The following TBX3 variants were observed in gnomAD, a reference collection of about 807,000 sequenced individuals.
TBX3 encodes T-box transcription factor 3, also known as T-box transcription factor TBX3.
A neutral mutation model predicts 47.8 loss-of-function variants in TBX3; 11 were observed. The observed-to-expected ratio is 0.23, with a 90% CI of 0.14 to 0.38. The LOEUF is 0.38. Ranked by LOEUF, TBX3 falls within the 10% of genes least tolerant of loss-of-function variation. TBX3 has a pLI of 1.00. For missense variants in TBX3, 927 were observed against 1,022.8 expected (o/e 0.91, Z 1.28); for synonymous variants, 500 against 449.3 (o/e 1.11, Z -1.43).
At chr12:114,673,033 G>T (rs1191881621) in intron 6 of TBX3, among the ~76,000 whole-genome samples, 1 of 152,254 alleles carries the variant, frequency 6.6e-6, no homozygotes, top group African/African-American at 2.4e-5. Flanking sequence ...GGAATTGGCA[G>T]AAGCAGCATT....
Position 114,671,857 on chromosome 12 carries a change from C to T in TBX3, c.2156G>A (p.Arg719His), listed in dbSNP as rs748697172. 9.0e-6 allele frequency: 14 copies of T among 1,557,702 alleles called. No homozygotes were observed. Among genetic ancestry groups the T allele is most frequent in the South Asian group, 4.7e-5 (4 of 84,620 alleles). Reference protein sequence around the residue: ...SGLEAKPDRSRSASP With the variant: ...SGLEAKPDRSHSASP ...GGGACGGGTCTACGGGGACGCGCTG[C>T]GGGACCTGTCCGGCTTGGCTTCCAA... Residue 719 changes from arginine (R) to histidine (H), a missense_variant, in exon 7 of 7, where the codon CGC becomes CAC. By Grantham distance (29) the Arg-to-His change is conservative (BLOSUM62 0). Coordinates refer to ENST00000349155, the MANE Select transcript of TBX3 (RefSeq NM_005996.4).
chr12:114,671,532 C>A lies in TBX3; in HGVS notation c.*309G>T. On this transcript the variant is annotated 3_prime_UTR_variant, in exon 7 of 7. Transcript: ENST00000349155. ...TTTGAACACCTCCCCGCCTGGTGGGCAGAGACCCAGACCAGCCTTGCTGGA... is the reference window on the plus strand; with the variant it reads ...TTTGAACACCTCCCCGCCTGGTGGGAAGAGACCCAGACCAGCCTTGCTGGA... 1 of 497,412 alleles carries A rather than the reference C, an allele frequency of 2.0e-6. No individual in the cohort carries two copies. Among genetic ancestry groups the A allele is most frequent in the East Asian group, 3.5e-5 (1 of 28,874 alleles). 30.8% of individuals were successfully genotyped at this position (497,412 alleles called of 1,614,324 possible).
chr12:114,682,705 T>C, intron 1 of TBX3, 107 bp downstream of exon 1: 1 of 1,564,648 alleles, frequency 6.4e-7, no homozygotes. Context: ...GGAACTAACT[T>C]TTCGTCCAAG....
At position 114,674,208 on chromosome 12, in the gene TBX3, G is replaced by A. The variant is rs1399626159; in HGVS notation, c.1667C>T (p.Ala556Val). 4.4e-6 allele frequency: 7 copies of A among 1,580,268 alleles called. No homozygotes were observed. The highest frequency in any genetic ancestry group is 2.3e-5 in the East Asian group (1 of 43,894). The change falls in exon 6 of 7, where the codon GCC (alanine) becomes GTC (valine). Residue 556 changes from alanine (A) to valine (V), a missense_variant. Ala to Val is a moderately conservative substitution (Grantham distance 64). Around this residue, in one of 5 missense-constraint regions of TBX3, gnomAD observed 623 missense variants for 569.0 expected, o/e 1.09. Coordinates refer to ENST00000349155, the MANE Select transcript of TBX3 (RefSeq NM_005996.4). ...CTGCTGGAGGTGGAAGGGCAGGGTG[G>A]CCGCGGACGCCCCGGACAGTCCCTG... ...AAQGLSGASA[A>V]TLPFHLQQHV...
chr12:114,681,672 T>A (rs544034637), intron 1 of TBX3, among the ~76,000 whole-genome samples: 1 of 152,334 alleles, frequency 6.6e-6, no homozygotes, highest in South Asian at 2.1e-4. Flanking sequence ...GAAGTGAAAC[T>A]GGACTTCAGT....
intron 1 of TBX3, among the ~76,000 whole-genome samples, chr12:114,681,695 C>G (rs1278482345): frequency 6.6e-6 from 1 of 152,204 alleles, no homozygotes; most frequent in South Asian, 2.1e-4. Flanking sequence ...GTTCCCAGAA[C>G]GAATTTTGCA....
intron 3 of TBX3, among the ~76,000 whole-genome samples, chr12:114,678,764 A>G (rs1164915992): frequency 6.6e-6 from 1 of 152,148 alleles, no homozygotes; most frequent in Admixed American, 6.5e-5. Flanking sequence ...AGTAAGGGTC[A>G]CTTTTTCTGT....
Position 114,681,071 on chromosome 12 carries a change from A to G in TBX3, c.465T>C (p.Ile155=). The change falls in exon 2 of 7, where the codon ATT becomes ATC. Residue 155 remains isoleucine, a synonymous_variant. Transcript: ENST00000349155. The stretch of plus-strand genomic sequence containing the variant: ...TATAACGACAGTCATCAGCAGCTAT[A>G]ATGTCCATCAATAAAATGTATTTGG... ...KKAKYILLMD[I]IAADDCRYKF... 6.2e-7 allele frequency: 1 copy of G among 1,614,110 alleles called. No homozygotes were observed. The highest frequency in any genetic ancestry group is 8.5e-7 in the Non-Finnish European group (1 of 1,180,026).
rs920252476 is a variant in TBX3 at position 114,672,105 on chromosome 12, G to A, written c.1908C>T (p.Leu636=). The change falls in exon 7 of 7, where the codon CTC becomes CTT. Residue 636 remains leucine, a synonymous_variant. Coordinates refer to ENST00000349155, the MANE Select transcript of TBX3 (RefSeq NM_005996.4). ...PVPVPDGSSL[L]TTALPSMAAA... ...CCGCCATGGAGGGCAGGGCGGTGGT[G>A]AGCAGACTGCTGCCGTCCGGGACCG... The A allele has an allele frequency of 3.2e-6, 5 of 1,569,134 alleles. No homozygotes were observed. Among genetic ancestry groups the A allele is most frequent in the Admixed American group, 3.7e-5 (2 of 53,468 alleles).
At chr12:114,675,633 AGT>A (rs3068612) in intron 5 of TBX3, among the ~76,000 whole-genome samples, 4,357 of 150,002 alleles carry the variant, frequency 0.029, 84 homozygotes, top group Middle Eastern at 0.037. Context: ...TCCCGTTGAG[AGT>A]GTGTGTGTGT....
In TBX3 at chr12:114,671,795, G is replaced by T. The variant is rs767977369; in HGVS notation, c.*46C>A. On this transcript the variant is annotated 3_prime_UTR_variant, in exon 7 of 7. Coordinates refer to ENST00000349155, the MANE Select transcript of TBX3 (RefSeq NM_005996.4). ...TTATTTTATATCCGACAAAGTGCAC[G>T]GCAGCCTGAACTGGACTGGAATGAA... 1.1e-4 allele frequency: 175 copies of T among 1,544,750 alleles called. No homozygotes were observed. The highest frequency in any genetic ancestry group is 1.4e-4 in the Non-Finnish European group (164 of 1,143,420).
chr12:114,672,599 T>C (rs572129940), intron 6 of TBX3, among the ~76,000 whole-genome samples: 2 of 152,040 alleles, frequency 1.3e-5, no homozygotes, highest in Admixed American at 1.3e-4. Context: ...CATAAGTAAT[T>C]CATATACTTA....
chr12:114,678,158 G>A (rs1185614991), intron 3 of TBX3, among the ~76,000 whole-genome samples: 1 of 151,970 alleles, frequency 6.6e-6, no homozygotes, highest in Non-Finnish European at 1.5e-5. Context: ...TTGCCTGGGG[G>A]GTGGTTTGAG....
rs1245312800 is a variant in TBX3, at chr12:114,679,565, A to C, written c.744T>G (p.Phe248Leu). 4 of 1,614,218 alleles carry C rather than the reference A, an allele frequency of 2.5e-6. No homozygotes were observed. The highest frequency in any genetic ancestry group is 2.5e-6 in the Non-Finnish European group (3 of 1,180,038). The stretch of plus-strand genomic sequence containing the variant: ...CAGTTTCGGGGAACAAGTATGTCCG[A>C]AATGTACTATAAGGGAGTTTCAAGA... ...NDILKLPYST[F>L]RTYLFPETEF... Residue 248 changes from phenylalanine (F) to leucine (L), a missense_variant, in exon 3 of 7, where the codon TTT (phenylalanine) becomes TTG (leucine). Phe to Leu is a conservative substitution (Grantham distance 22). Transcript: ENST00000349155.
chr12:114,671,840 TC>T lies in TBX3; in HGVS notation c.2172del (p.Ter724=). On this transcript the variant is annotated frameshift_variant and stop_lost, in exon 7 of 7. Transcript: ENST00000349155. LOFTEE classifies it high-confidence loss of function. Reference protein sequence around the residue: ...KPDRSRSASP* With the variant: ...KPDRSRSASPX The stretch of plus-strand genomic sequence containing the variant: ...AATGAAAAGACGTGTCTGGGACGGG[TC>T]TACGGGGACGCGCTGCGGGACCTGT... The T allele has an allele frequency of 6.4e-7, 1 of 1,553,884 alleles. No individual in the cohort carries two copies. Among genetic ancestry groups the T allele is most frequent in the Non-Finnish European group, 8.7e-7 (1 of 1,149,346 alleles).
intron 6 of TBX3, 98 bp from the exon 7 acceptor site, chr12:114,672,400 T>C (rs897261798): frequency 2.1e-5 from 22 of 1,032,478 alleles, no homozygotes; most frequent in Non-Finnish European, 2.5e-5. Flanking sequence ...GGGCAAGCCA[T>C]GAATCCCTGG....
At chr12:114,680,612 T>C in intron 2 of TBX3, 1 of 570,262 alleles carries the variant, frequency 1.8e-6, no homozygotes, top group Non-Finnish European at 3.1e-6. Flanking sequence ...GTTTTTAACT[T>C]CACTCTCAGG....
At position 114,683,381 on chromosome 12, in the gene TBX3, G is replaced by C. The variant is rs968476960; in HGVS notation, c.-181C>G. 2 of 829,422 alleles carry C rather than the reference G, an allele frequency of 2.4e-6. No homozygotes were observed. The highest frequency in any genetic ancestry group is 3.6e-6 in the Non-Finnish European group (2 of 550,732). 51.4% of individuals were successfully genotyped at this position (829,422 alleles called of 1,614,324 possible). On this transcript the variant is annotated 5_prime_UTR_variant, in exon 1 of 7. Transcript: ENST00000349155. This position sits in a 1 kb window ranked among gnomAD's most constrained non-coding sequence, Gnocchi z 7.7. ...CAACTAATGCACTTCAAAGGGAGGA[G>C]GGGAAGTGTCTTTTGGAGAATGGGA...
At chr12:114,675,881 T>C (rs2121387869) in intron 5 of TBX3, among the ~76,000 whole-genome samples, 1 of 152,106 alleles carries the variant, frequency 6.6e-6, no homozygotes, top group Non-Finnish European at 1.5e-5. Context: ...AGTCCCTTGC[T>C]TCCCCCCCAC....
Sources: gnomAD v4.1 joint callset for allele counts (sites outside exome capture counted in the v4.1 genomes callset) on GRCh38, gnomAD v4.1.1 for gene constraint, gnomAD v4.1.1 regional missense constraint, Gnocchi (gnomAD v3.1) non-coding constraint, MANE v1.5 for transcripts, NCBI Gene and HGNC (gene_info 2026-07-23, HGNC 2026-07-21) for gene names.